The following PMPCB variants were observed in gnomAD, a reference collection of about 807,000 sequenced individuals.
PMPCB encodes the protein mitochondrial-processing peptidase subunit beta.
A neutral mutation model predicts 61.5 loss-of-function variants in PMPCB; 46 were observed. The ratio of observed to expected loss-of-function variants is 0.75; its 90% CI spans 0.59 to 0.96. The LOEUF (loss-of-function observed/expected upper bound fraction) is 0.96, where lower values mean the gene tolerates loss of function less well. Among genes scored for constraint, PMPCB ranks in the 40% least tolerant of loss-of-function variants. The probability of loss-of-function intolerance (pLI) is 0.00; values close to 1 mark genes in which losing one functional copy is unlikely to be tolerated. For missense variants in PMPCB, 590 were observed against 602.4 expected (o/e 0.98, Z 0.22); for synonymous variants, 191 against 201.6 (o/e 0.95, Z 0.44).
At chr7:103,321,169 G>A (rs1397575363) in intron 12 of PMPCB, among the ~76,000 whole-genome samples, 1 of 152,144 alleles carries the variant, frequency 6.6e-6, no homozygotes, top group African/African-American at 2.4e-5. Context: ...CTGCACTCCA[G>A]CCTGAGTGAC....
chr7:103,301,243 T>G (rs1457484522), intron 4 of PMPCB, among the ~76,000 whole-genome samples: 1 of 152,228 alleles, frequency 6.6e-6, no homozygotes, highest in Non-Finnish European at 1.5e-5. Flanking sequence ...TCTTACCAGA[T>G]TCATTTGCTT....
downstream of PMPCB, among the ~76,000 whole-genome samples, chr7:103,331,410 T>C (rs1441538655): frequency 6.6e-6 from 1 of 152,232 alleles, no homozygotes; most frequent in Non-Finnish European, 1.5e-5. Context: ...CAATACATCA[T>C]TGTTAACTAT....
intron 12 of PMPCB, chr7:103,322,505 TCTTA>T: frequency 6.9e-7 from 1 of 1,459,844 alleles, no homozygotes; most frequent in Non-Finnish European, 9.4e-7. Context: ...TTAAATGTTG[TCTTA>T]CTTTTTCTTT....
intron 12 of PMPCB, chr7:103,319,705 A>C: frequency 6.2e-7 from 1 of 1,614,020 alleles, no homozygotes; most frequent in Non-Finnish European, 8.5e-7. Flanking sequence ...AAGAAATGAA[A>C]CTTTATCCTA....
chr7:103,300,686 CTCAT>C (rs1817425833), intron 4 of PMPCB, among the ~76,000 whole-genome samples: 1 of 152,052 alleles, frequency 6.6e-6, no homozygotes, highest in Non-Finnish European at 1.5e-5. Flanking sequence ...AATTGGTAAA[CTCAT>C]TATTTTTGTT....
At position 103,298,616 on chromosome 7, in the gene PMPCB, C is replaced by T. The variant is rs11538298; in HGVS notation, c.148C>T (p.Gln50Ter). 6.2e-7 allele frequency: 1 copy of T among 1,613,742 alleles called. No homozygotes were observed. The highest frequency in any genetic ancestry group is 8.5e-7 in the Non-Finnish European group (1 of 1,179,768). ...ATTAAGAAGTACACAGGCTGCTACC[C>T]AAGTTGTTCTGAATGTTCCTGAAAC... ...NRLRSTQAAT[Q>*]VVLNVPETRV... The change falls in exon 2 of 13, where the codon CAA (glutamine) becomes TAA (stop). Residue 50 changes from glutamine (Q) to a stop codon, truncating the protein, a stop_gained. Transcript: ENST00000249269. LOFTEE classifies it high-confidence loss of function.
Position 103,313,706 on chromosome 7 carries a change from C to G in PMPCB, c.*1435C>G. 1.0e-6 allele frequency: 1 copy of G among 985,348 alleles called. No individual in the cohort carries two copies. Among genetic ancestry groups the G allele is most frequent in the Non-Finnish European group, 1.2e-6 (1 of 829,870 alleles). 61.0% of individuals were successfully genotyped at this position (985,348 alleles called of 1,614,324 possible). A position where few individuals can be genotyped will look rare whatever the true frequency, so the allele number is the denominator to read the frequency against. On this transcript the variant is annotated 3_prime_UTR_variant, in exon 13 of 13. Coordinates refer to ENST00000249269, the MANE Select transcript of PMPCB (RefSeq NM_004279.3). ...TCTTGGGAGCCGATGCTGAACACTTCCAATAACTGCTATTGTGGTTCTTCA... is the reference window on the plus strand; with the variant it reads ...TCTTGGGAGCCGATGCTGAACACTTGCAATAACTGCTATTGTGGTTCTTCA...
At chr7:103,345,607 TTA>T in the PMPCB span, among the ~76,000 whole-genome samples, 171 of 148,566 alleles carry the variant, frequency 1.2e-3, 1 homozygote, top group Middle Eastern at 3.5e-3. Context: ...TTTAAATATA[TTA>T]TATATATATA....
In PMPCB at chr7:103,313,025, T is replaced by G; in HGVS notation, c.*754T>G. On this transcript the variant is annotated 3_prime_UTR_variant, in exon 13 of 13. Coordinates refer to ENST00000249269, the MANE Select transcript of PMPCB (RefSeq NM_004279.3). Reference sequence around the variant, plus strand: ...TTTTTTCCCATCTTTCAGGTGTATTTACTGGGTATGTTTTCAAAGCTTGTT... The same window carrying G: ...TTTTTTCCCATCTTTCAGGTGTATTGACTGGGTATGTTTTCAAAGCTTGTT... The G allele has an allele frequency of 6.2e-7, 1 of 1,614,130 alleles. No homozygotes were observed. The highest frequency in any genetic ancestry group is 8.5e-7 in the Non-Finnish European group (1 of 1,179,976).
the PMPCB span, among the ~76,000 whole-genome samples, chr7:103,347,331 A>G: frequency 6.6e-6 from 1 of 152,164 alleles, no homozygotes; most frequent in African/African-American, 2.4e-5. Flanking sequence ...CTTTGGAGCA[A>G]TGTTTATTCA....
the PMPCB span, chr7:103,335,428 G>C: frequency 1.3e-5 from 2 of 152,184 alleles, no homozygotes; most frequent in Admixed American, 6.6e-5. Context: ...AAGGGTGGTA[G>C]AGAGTAAGTT....
chr7:103,315,772 C>T (rs758912278), downstream of PMPCB: 11 of 1,612,818 alleles, frequency 6.8e-6, no homozygotes, highest in Admixed American at 1.7e-5. Flanking sequence ...ACCTTCAAAT[C>T]GTTCTGAAGG....
chr7:103,312,185 A>G, intron 12 of PMPCB, 22 bp from the exon 13 acceptor site: 1 of 1,614,002 alleles, frequency 6.2e-7, no homozygotes, highest in Non-Finnish European at 8.5e-7. Context: ...ACTTTTAATT[A>G]ACTCTTCTTT....
Position 103,313,263 on chromosome 7 carries a change from A to C in PMPCB, c.*992A>C. The C allele has an allele frequency of 7.4e-7, 1 of 1,350,956 alleles. No individual in the cohort carries two copies. Among genetic ancestry groups the C allele is most frequent in the Non-Finnish European group, 9.5e-7 (1 of 1,055,452 alleles). 83.7% of individuals were successfully genotyped at this position (1,350,956 alleles called of 1,614,324 possible). ...GATACATATAGCCCTCTGAGTGTTAATAAGAGAAAAAATTTCAGATAGCTC... is the reference window on the plus strand; with the variant it reads ...GATACATATAGCCCTCTGAGTGTTACTAAGAGAAAAAATTTCAGATAGCTC... On this transcript the variant is annotated 3_prime_UTR_variant, in exon 13 of 13. Coordinates refer to ENST00000249269, the MANE Select transcript of PMPCB (RefSeq NM_004279.3).
Position 103,312,660 on chromosome 7 carries a change from G to T in PMPCB, c.*389G>T. 1 of 1,608,666 alleles carries T rather than the reference G, an allele frequency of 6.2e-7. No homozygotes were observed. The highest frequency in any genetic ancestry group is 8.5e-7 in the Non-Finnish European group (1 of 1,178,682). On this transcript the variant is annotated 3_prime_UTR_variant, in exon 13 of 13. Transcript: ENST00000249269. Reference sequence around the variant, plus strand: ...GACAAGTTCCTAGGAAGGGAGAAAGGTGTGATTTAAGAAGTTGCGATTTAA... The same window carrying T: ...GACAAGTTCCTAGGAAGGGAGAAAGTTGTGATTTAAGAAGTTGCGATTTAA...
intron 12 of PMPCB, among the ~76,000 whole-genome samples, chr7:103,325,432 G>A (rs1445926445): frequency 1.4e-5 from 2 of 143,956 alleles, no homozygotes; most frequent in African/African-American, 5.0e-5. Flanking sequence ...GCAAGATACT[G>A]TCTCAAAATA....
At chr7:103,309,202 TTGTACTGTGAA>T in intron 8 of PMPCB, 107 bp downstream of exon 8, 1 of 790,334 alleles carries the variant, frequency 1.3e-6, no homozygotes. Flanking sequence ...GAATAGAGTC[TTGTACTGTGAA>T]TTCTGACTTA....
the PMPCB span, among the ~76,000 whole-genome samples, chr7:103,338,371 A>ACTGCAAC: frequency 6.7e-6 from 1 of 148,938 alleles, no homozygotes; most frequent in East Asian, 2.1e-4. Context: ...ATCTTGGCTC[A>ACTGCAAC]CTGCAACCTC....
intron 12 of PMPCB, 37 bp downstream of exon 12, chr7:103,312,168 G>C: frequency 1.9e-6 from 3 of 1,613,942 alleles, no homozygotes; most frequent in Non-Finnish European, 2.5e-6. Context: ...CAAAAAGTTG[G>C]CCAAGTACTT....
Sources: gnomAD v4.1 joint callset for allele counts (sites outside exome capture counted in the v4.1 genomes callset) on GRCh38, gnomAD v4.1.1 for gene constraint, MANE v1.5 for transcripts, NCBI Gene and HGNC (gene_info 2026-07-23, HGNC 2026-07-21) for gene names.